The following DOCK6 variants were observed in gnomAD, a reference collection of about 807,000 sequenced individuals.
DOCK6 encodes the protein dedicator of cytokinesis protein 6.
In DOCK6, 167 loss-of-function variants were observed where a neutral mutation model predicts 230.3. The observed-to-expected ratio is 0.73, with a 90% CI of 0.64 to 0.82. DOCK6 has a LOEUF of 0.82. Ranked by LOEUF, DOCK6 falls within the 40% of genes least tolerant of loss-of-function variation. The pLI is 0.00. For synonymous variants in DOCK6, 1,148 were observed against 1,185.0 expected, an observed-to-expected ratio of 0.97 and a Z score of 0.64; for missense variants, 2,598 against 2,825.8, an observed-to-expected ratio of 0.92 and a Z score of 1.83.
chr19:11,237,633 C>G lies in DOCK6; in HGVS notation c.1971+8G>C. On this transcript the variant is annotated splice_region_variant and intron_variant, in intron 17 of 47. Transcript: ENST00000294618. ...GGCTCAGGGGGAGGGAGGGAGGGGA[C>G]GGCTCACAGTAAAGCCCACGGGTGT... 2 of 1,591,128 alleles carry G rather than the reference C, an allele frequency of 1.3e-6. No individual in the cohort carries two copies. Among genetic ancestry groups the G allele is most frequent in the East Asian group, 2.3e-5 (1 of 43,904 alleles).
chr19:11,240,583 T>C (rs1400493389), intron 14 of DOCK6, among the ~76,000 whole-genome samples: 1 of 122,946 alleles, frequency 8.1e-6, no homozygotes, highest in Non-Finnish European at 1.7e-5. Flanking sequence ...CAATAAATTC[T>C]TTTTTTTTTT....
In DOCK6 at chr19:11,204,000, C is replaced by T; in HGVS notation, c.5235+81G>A. The T allele has an allele frequency of 2.0e-6, 3 of 1,531,854 alleles. No individual in the cohort carries two copies. In the South Asian group the frequency reaches 3.6e-5, roughly 18 times the overall value. The allele number at this position is 1,531,854 out of a possible 1,614,324, so 94.9% of individuals were successfully genotyped here. A position where few individuals can be genotyped will look rare whatever the true frequency, so the allele number is the denominator to read the frequency against. On this transcript the variant is annotated intron_variant, in intron 41 of 47. Transcript: ENST00000294618. ...GCCAGCGGCCATGCTCCTCTGGTGC[C>T]CCCTGGTGTTCACTGATGGCTGCTG...
chr19:11,208,980 G>A lies in DOCK6; in HGVS notation c.4875C>T (p.Ala1625=). 2 of 1,607,474 alleles carry A rather than the reference G, an allele frequency of 1.2e-6. No homozygotes were observed. Among genetic ancestry groups the A allele is most frequent in the South Asian group, 1.1e-5 (1 of 90,782 alleles). ...GCAGGGCGAGGTACTCAGCCACGAG[G>A]GCGGCCGCGTGCACCATGCACTGGG... ...EAAQCMVHAA[A]LVAEYLALLE... is the part of the protein sequence containing the mutation. Residue 1625 remains alanine, a synonymous_variant, in exon 38 of 48, where the codon GCC becomes GCT. Transcript: ENST00000294618.
intron 21 of DOCK6, among the ~76,000 whole-genome samples, chr19:11,234,386 C>T (rs924262132): frequency 4.0e-5 from 6 of 149,004 alleles, no homozygotes; most frequent in Non-Finnish European, 7.4e-5. Context: ...GGATTACAGC[C>T]GTGAGCCACC....
chr19:11,254,954 G>A (rs1390849501), intron 1 of DOCK6, among the ~76,000 whole-genome samples: 2 of 152,188 alleles, frequency 1.3e-5, no homozygotes, highest in African/African-American at 2.4e-5. Context: ...GTGAAGGCAG[G>A]AGCTAGGGCT....
Position 11,200,389 on chromosome 19 carries a change from T to G in DOCK6, c.6020A>C (p.Tyr2007Ser). Residue 2007 changes from tyrosine to serine, a missense_variant, in exon 47 of 48, where the codon TAC (tyrosine) becomes TCC (serine). Transcript: ENST00000294618. This position sits in a 1 kb window ranked among gnomAD's most constrained non-coding sequence, Gnocchi z 4.3. ...CTGCAGAGCCTCCCGCAGGCGGCAGTAGTTGCGCTCCAGCTCACGGTGGTA... is the reference window on the plus strand; with the variant it reads ...CTGCAGAGCCTCCCGCAGGCGGCAGGAGTTGCGCTCCAGCTCACGGTGGTA... ...KEYHRELERN[Y>S]CRLREALQPL... 1.2e-6 allele frequency: 2 copies of G among 1,605,636 alleles called. No individual in the cohort carries two copies. Among genetic ancestry groups the G allele is most frequent in the Non-Finnish European group, 1.7e-6 (2 of 1,176,428 alleles).
chr19:11,260,829 G>C (rs2031969653), intron 1 of DOCK6, among the ~76,000 whole-genome samples: 1 of 129,712 alleles, frequency 7.7e-6, no homozygotes, highest in South Asian at 2.6e-4. Context: ...GTTGCAGTGA[G>C]CCAAGATTGT....
At chr19:11,220,895 G>C (rs1368882071) in intron 28 of DOCK6, among the ~76,000 whole-genome samples, 2 of 149,408 alleles carry the variant, frequency 1.3e-5, no homozygotes, top group African/African-American at 5.0e-5. Context: ...TGCGATCTCA[G>C]CTCACTGCAA....
Position 11,243,183 on chromosome 19 carries a change from C to T in DOCK6, c.1387-31G>A. ...TGGGACCCACTCCCGTCAGCCTGGG[C>T]CAGGGGGCTAGGGGTCCCCAGGGCT... On this transcript the variant is annotated intron_variant, in intron 12 of 47. Coordinates refer to ENST00000294618, the MANE Select transcript of DOCK6 (RefSeq NM_020812.4). The surrounding 1 kb of genome is among the most constrained non-coding windows in gnomAD (Gnocchi z 6.3). The T allele has an allele frequency of 6.2e-7, 1 of 1,612,968 alleles. No homozygotes were observed. Among genetic ancestry groups the T allele is most frequent in the Non-Finnish European group, 8.5e-7 (1 of 1,179,056 alleles).
Position 11,201,070 on chromosome 19 carries a change from G to A in DOCK6, c.5689-18C>T. ...AGCACCGTCTGTGGGGTAAGGGGAG[G>A]GGTGTGTACTCGCTGGGGCCTGAGG... On this transcript the variant is annotated intron_variant, in intron 44 of 47. Coordinates refer to ENST00000294618, the MANE Select transcript of DOCK6 (RefSeq NM_020812.4). The surrounding 1 kb of genome is among the most constrained non-coding windows in gnomAD (Gnocchi z 4.3). 6.2e-7 allele frequency: 1 copy of A among 1,612,662 alleles called. No individual in the cohort carries two copies. Among genetic ancestry groups the A allele is most frequent in the Non-Finnish European group, 8.5e-7 (1 of 1,179,586 alleles).
chr19:11,223,750 G>A (rs1327167335), intron 24 of DOCK6, among the ~76,000 whole-genome samples: 5 of 151,974 alleles, frequency 3.3e-5, no homozygotes, highest in Non-Finnish European at 5.9e-5. Context: ...AGGTTCAAGC[G>A]ATTCTTCTGC....
Position 11,201,841 on chromosome 19 carries a change from A to G in DOCK6, c.5688+48T>C. ...CCCTCCCCTCCCCTCCCAGGGTCTG[A>G]TGTCCCCTCACCTCCCCACCCCCGC... On this transcript the variant is annotated intron_variant, in intron 44 of 47. Coordinates refer to ENST00000294618, the MANE Select transcript of DOCK6 (RefSeq NM_020812.4). This position sits in a 1 kb window ranked among gnomAD's most constrained non-coding sequence, Gnocchi z 4.3. 9 of 794,772 alleles carry G rather than the reference A, an allele frequency of 1.1e-5. No homozygotes were observed. The highest frequency in any genetic ancestry group is 1.5e-5 in the South Asian group (1 of 65,808). 49.2% of individuals were successfully genotyped at this position (794,772 alleles called of 1,614,324 possible).
At chr19:11,228,719 C>G (rs552124890) in intron 23 of DOCK6, 8 of 449,080 alleles carry the variant, frequency 1.8e-5, no homozygotes, top group Non-Finnish European at 2.5e-5. Flanking sequence ...GCCACCACTC[C>G]TGGCTAATTT....
chr19:11,199,951 C>G (rs1223039653), intron 47 of DOCK6, among the ~76,000 whole-genome samples: 2 of 152,000 alleles, frequency 1.3e-5, no homozygotes, highest in Admixed American at 1.3e-4. Flanking sequence ...GAGTTCGAGA[C>G]CAGTCTGGCC....
chr19:11,254,202 C>G (rs150870197), intron 1 of DOCK6, among the ~76,000 whole-genome samples: 195 of 152,364 alleles, frequency 1.3e-3, no homozygotes, highest in African/African-American at 4.5e-3. Flanking sequence ...AGCTGATGCC[C>G]TGACTTCACA....
At position 11,250,941 on chromosome 19, in the gene DOCK6, C is replaced by G; in HGVS notation, c.653G>C (p.Arg218Pro). 6.2e-7 allele frequency: 1 copy of G among 1,613,210 alleles called. No homozygotes were observed. The highest frequency in any genetic ancestry group is 8.5e-7 in the Non-Finnish European group (1 of 1,179,466). Residue 218 changes from arginine (R) to proline (P), a missense_variant, in exon 6 of 48, where the codon CGC becomes CCC. Coordinates refer to ENST00000294618, the MANE Select transcript of DOCK6 (RefSeq NM_020812.4). Reference protein sequence around the residue: ...ERAAPEDVDRRNETLRRQHRP... With the variant: ...ERAAPEDVDRPNETLRRQHRP... ...GTGCTGCCGTCGAAGGGTTTCATTG[C>G]GCCGGTCCACATCTTCTGGGGCCGC...
At chr19:11,209,127 G>A in intron 37 of DOCK6, 24 bp from the exon 38 acceptor site, 3 of 1,602,296 alleles carry the variant, frequency 1.9e-6, no homozygotes, top group East Asian at 2.3e-5. Context: ...GAGGGGGGAT[G>A]TGAGGAGGGG....
intron 14 of DOCK6, chr19:11,240,333 T>A: frequency 6.7e-7 from 1 of 1,500,744 alleles, no homozygotes; most frequent in East Asian, 2.4e-5. Flanking sequence ...GCTGAGACCC[T>A]GATTTCCGGC....
At chr19:11,216,061 C>A in intron 30 of DOCK6, 134 bp from the exon 31 acceptor site, 2 of 1,194,648 alleles carry the variant, frequency 1.7e-6, no homozygotes, top group East Asian at 2.5e-5. Context: ...CCTTTTTCCT[C>A]TAAATTCTTA....
Sources: gnomAD v4.1 joint callset for allele counts (sites outside exome capture counted in the v4.1 genomes callset) on GRCh38, gnomAD v4.1.1 for gene constraint, Gnocchi (gnomAD v3.1) non-coding constraint, MANE v1.5 for transcripts, NCBI Gene and HGNC (gene_info 2026-07-23, HGNC 2026-07-21) for gene names.